Variants in GNLY observed in about 807,000 individuals in gnomAD.
GNLY encodes T-cell activation protein 519.
A neutral mutation model predicts 18.5 loss-of-function variants in GNLY; 15 were observed. That is an observed-to-expected ratio of 0.81 (90% CI 0.54 to 1.25). GNLY has a LOEUF of 1.25. GNLY is among the 50% of genes most tolerant of loss of function. The pLI, the probability that GNLY is intolerant of heterozygous loss-of-function variation, is 0.00. For missense variants in GNLY, 178 were observed against 186.9 expected (o/e 0.95, Z 0.28); for synonymous variants, 77 against 74.9 (o/e 1.03, Z -0.14).
chr2:85,698,321 G>A (rs1405207398), intron 4 of GNLY: 4 of 708,564 alleles, frequency 5.6e-6, no homozygotes, highest in Non-Finnish European at 1.0e-5. Context: ...ACTTGCCAAT[G>A]CTCTGGGATT....
Position 85,694,403 on chromosome 2 carries a change from C to A in GNLY, c.-16C>A. On this transcript the variant is annotated 5_prime_UTR_variant, in exon 1 of 5. Transcript: ENST00000263863. ...ATAAAACAGGGTGTGAAAGGCATCT[C>A]AGCGGCTGCCCCACCATGGCTACCT... The A allele has an allele frequency of 6.2e-7, 1 of 1,613,658 alleles. No homozygotes were observed. The highest frequency in any genetic ancestry group is 8.5e-7 in the Non-Finnish European group (1 of 1,179,568).
intron 1 of GNLY, 49 bp downstream of exon 1, chr2:85,694,519 A>G: frequency 6.4e-7 from 1 of 1,571,040 alleles, no homozygotes. Context: ...CCAGCCTCGC[A>G]CTCTCAGGCT....
chr2:85,694,595 C>A, intron 1 of GNLY, 125 bp downstream of exon 1: 5 of 1,020,518 alleles, frequency 4.9e-6, no homozygotes, highest in Non-Finnish European at 6.9e-6. Flanking sequence ...GCCTTCTCCC[C>A]CGTCATGGAG....
intron 2 of GNLY, 150 bp from the exon 3 acceptor site, chr2:85,695,808 C>A (rs532723897): frequency 6.5e-6 from 4 of 618,128 alleles, no homozygotes; most frequent in South Asian, 3.9e-5. Flanking sequence ...GGCCAGGCAG[C>A]CAGTTCAGGC....
intron 4 of GNLY, 29 bp downstream of exon 4, chr2:85,697,706 C>T (rs764104249): frequency 5.9e-6 from 9 of 1,527,878 alleles, no homozygotes; most frequent in Non-Finnish European, 8.2e-6. Context: ...GCAGGGATAC[C>T]TCCTGAGGGT....
At chr2:85,695,479 G>A in intron 2 of GNLY, 56 bp downstream of exon 2, 1 of 1,059,218 alleles carries the variant, frequency 9.4e-7, no homozygotes, top group Non-Finnish European at 1.5e-6. Flanking sequence ...CCTCCTCCCT[G>A]GTGGCTCCTG....
intron 1 of GNLY, chr2:85,694,822 A>G: frequency 1.3e-6 from 2 of 1,484,586 alleles, no homozygotes; most frequent in African/African-American, 1.4e-5. Flanking sequence ...CCTCGGGCCT[A>G]CACTGTCTAG....
At chr2:85,694,540 G>A in intron 1 of GNLY, 70 bp downstream of exon 1, 1 of 1,509,394 alleles carries the variant, frequency 6.6e-7, no homozygotes, top group African/African-American at 1.4e-5. Context: ...GGCTGAACCT[G>A]GAGCTTGGAC....
chr2:85,695,808 C>T (rs532723897), intron 2 of GNLY, 150 bp from the exon 3 acceptor site: 3 of 618,126 alleles, frequency 4.9e-6, no homozygotes, highest in Middle Eastern at 4.3e-4. Flanking sequence ...GGCCAGGCAG[C>T]CAGTTCAGGC....
In GNLY at chr2:85,697,597, CTA is replaced by C. The variant is rs779097197; in HGVS notation, c.348_349del (p.Arg117SerfsTer16). On this transcript the variant is annotated frameshift_variant, in exon 4 of 5. Transcript: ENST00000263863. LOFTEE classifies it high-confidence loss of function. ...AGAAATTTCATGAGGAGGTATCAGT[CTA>C]GAGTTACCCAGGGCCTCGTGGCCGG... The C allele has an allele frequency of 3.7e-6, 6 of 1,613,136 alleles. No homozygotes were observed. The highest frequency in any genetic ancestry group is 4.2e-6 in the Non-Finnish European group (5 of 1,179,138).
Position 85,695,416 on chromosome 2 carries a change from G to A in GNLY, c.149G>A (p.Gly50Asp). The part of the protein sequence containing the change: ...EKSCPCLAQE[G>D]PQGDLLTKTQ... ...TCCTGCCCGTGCCTGGCCCAGGAGGGCCCCCAGGTACGTGTTGGCTCTCTG... is the reference window on the plus strand; with the variant it reads ...TCCTGCCCGTGCCTGGCCCAGGAGGACCCCCAGGTACGTGTTGGCTCTCTG... The change falls in exon 2 of 5, where the codon GGC (glycine) becomes GAC (aspartate). Residue 50 changes from glycine (G) to aspartate (D), a missense_variant. Gly to Asp is a moderately conservative substitution (Grantham distance 94, BLOSUM62 -1). Coordinates refer to ENST00000263863, the MANE Select transcript of GNLY (RefSeq NM_006433.5). 6.3e-7 allele frequency: 1 copy of A among 1,599,340 alleles called. No homozygotes were observed. Among genetic ancestry groups the A allele is most frequent in the Non-Finnish European group, 8.6e-7 (1 of 1,166,560 alleles).
In GNLY at chr2:85,694,365, A is replaced by C; in HGVS notation, c.-54A>C. 1.3e-6 allele frequency: 2 copies of C among 1,527,210 alleles called. No individual in the cohort carries two copies. Among genetic ancestry groups the C allele is most frequent in the South Asian group, 2.2e-5 (2 of 89,162 alleles). The allele number at this position is 1,527,210 out of a possible 1,614,324, so 94.6% of individuals were successfully genotyped here. On this transcript the variant is annotated 5_prime_UTR_variant, in exon 1 of 5. Coordinates refer to ENST00000263863, the MANE Select transcript of GNLY (RefSeq NM_006433.5). ...CAGGACCTGAGAAAGATTAAGCTGCAGGCTCCCTGCCCATAAAACAGGGTG... is the reference window on the plus strand; with the variant it reads ...CAGGACCTGAGAAAGATTAAGCTGCCGGCTCCCTGCCCATAAAACAGGGTG...
Position 85,698,568 on chromosome 2 carries a change from C to T in GNLY, c.432C>T (p.Pro144=), listed in dbSNP as rs1342513545. ...TGGCTGTTCTCTCCTCTCCAGGTCC[C>T]CTCTGAGCCCTCTCACCTTGTCCTG... ...DLRLCIPSTG[P]L Residue 144 remains proline, a synonymous_variant, in exon 5 of 5, where the codon CCC becomes CCT. Transcript: ENST00000263863. The T allele has an allele frequency of 1.4e-5, 22 of 1,613,274 alleles. No individual in the cohort carries two copies. The highest frequency in any genetic ancestry group is 1.9e-5 in the Non-Finnish European group (22 of 1,179,408).
chr2:85,698,823 TC>T lies in GNLY; in HGVS notation c.*251del. 1 of 1,446,566 alleles carries T rather than the reference TC, an allele frequency of 6.9e-7. No individual in the cohort carries two copies. The highest frequency in any genetic ancestry group is 1.4e-5 in the South Asian group (1 of 71,996). 89.6% of individuals were successfully genotyped at this position (1,446,566 alleles called of 1,614,324 possible). On this transcript the variant is annotated 3_prime_UTR_variant, in exon 5 of 5. Transcript: ENST00000263863. ...TGGCATGCTGGGGTGAGCTGTGTAG[TC>T]CTTCAATAAATGTCTGTCGTGTGTC...
chr2:85,698,842 C>T lies in GNLY; in HGVS notation c.*268C>T. The stretch of plus-strand genomic sequence containing the variant: ...GTGTAGTCCTTCAATAAATGTCTGT[C>T]GTGTGTCCCATACACTGTTGTAGAT... On this transcript the variant is annotated 3_prime_UTR_variant, in exon 5 of 5. Coordinates refer to ENST00000263863, the MANE Select transcript of GNLY (RefSeq NM_006433.5). The T allele has an allele frequency of 2.1e-6, 3 of 1,419,660 alleles. No homozygotes were observed. The Admixed American group carries it at 8.0e-5, about 38-fold the overall frequency. 87.9% of individuals were successfully genotyped at this position (1,419,660 alleles called of 1,614,324 possible).
rs755303248 is a variant in GNLY at position 85,696,013 on chromosome 2, C to G, written c.212C>G (p.Thr71Arg). The G allele has an allele frequency of 6.2e-7, 1 of 1,611,882 alleles. No individual in the cohort carries two copies. Among genetic ancestry groups the G allele is most frequent in the Non-Finnish European group, 8.5e-7 (1 of 1,178,098 alleles). The change falls in exon 3 of 5, where the codon ACG becomes AGG. Residue 71 changes from threonine to arginine, a missense_variant. Physicochemically the swap from Thr to Arg is moderately conservative, Grantham distance 71. Transcript: ENST00000263863. ...ELGRDYRTCL[T>R]IVQKLKKMVD... is the part of the protein sequence containing the mutation. ...GGCCGTGACTACAGGACCTGTCTGA[C>G]GATAGTCCAAAAACTGAAGAAGATG...
Position 85,695,423 on chromosome 2 carries a change from G to A in GNLY, c.156G>A (p.Gln52=). The change falls in exon 2 of 5, where the codon CAG becomes CAA. Residue 52 remains glutamine, a splice_region_variant and synonymous_variant. Transcript: ENST00000263863. ...CGTGCCTGGCCCAGGAGGGCCCCCA[G>A]GTACGTGTTGGCTCTCTGCTCACCT... ...SCPCLAQEGP[Q]GDLLTKTQEL... The A allele has an allele frequency of 6.4e-7, 1 of 1,571,136 alleles. No homozygotes were observed. Among genetic ancestry groups the A allele is most frequent in the Non-Finnish European group, 8.8e-7 (1 of 1,141,200 alleles).
At chr2:85,696,144 G>A (rs1394857328) in intron 3 of GNLY, 88 bp downstream of exon 3, 74 of 706,702 alleles carry the variant, frequency 1.0e-4, no homozygotes, top group African/African-American at 1.8e-5. Flanking sequence ...GAGCCCGGGG[G>A]CACCTTGCAC....
intron 1 of GNLY, chr2:85,694,817 G>A: frequency 2.0e-6 from 3 of 1,478,468 alleles, no homozygotes; most frequent in Non-Finnish European, 1.8e-6. Context: ...CGTTTCCTCG[G>A]GCCTACACTG....
Sources: gnomAD v4.1 joint callset for allele counts on GRCh38, gnomAD v4.1.1 for gene constraint, MANE v1.5 for transcripts, NCBI Gene and HGNC (gene_info 2026-07-23, HGNC 2026-07-21) for gene names.